Variants in GALNT12 observed in about 807,000 individuals in gnomAD.
The protein encoded by GALNT12 is polypeptide N-acetylgalactosaminyltransferase 12.
Under a neutral mutation model 55.5 loss-of-function variants are expected in GALNT12, and 45 were observed. That is an observed-to-expected ratio of 0.81 (90% CI 0.64 to 1.04). The LOEUF is 1.04. Among genes scored for constraint, GALNT12 ranks in the 50% least tolerant of loss-of-function variants. The pLI, the probability that GALNT12 is intolerant of heterozygous loss-of-function variation, is 0.00. For synonymous variants in GALNT12, 304 were observed against 312.2 expected (o/e 0.97, Z 0.28); for missense variants, 709 against 754.8 (o/e 0.94, Z 0.71).
In GALNT12 at chr9:98,807,864, CCGCGCCCCGGGCGG is replaced by C. The variant is rs1237409974; in HGVS notation, c.171_184del (p.Pro58AlafsTer42). 5.9e-6 allele frequency: 6 copies of C among 1,012,394 alleles called. No individual in the cohort carries two copies. The highest frequency in any genetic ancestry group is 1.7e-5 in the African/African-American group (1 of 57,290). 62.7% of individuals were successfully genotyped at this position (1,012,394 alleles called of 1,614,324 possible). A position where few individuals can be genotyped will look rare whatever the true frequency, so the allele number is the denominator to read the frequency against. The stretch of plus-strand genomic sequence containing the variant: ...TGCCGAGCCGGGACCCCCGCGCACC[CCGCGCCCCGGGCGG>C]CGCGAGCCGGTCATGCCGCGGCCGC... On this transcript the variant is annotated frameshift_variant, in exon 1 of 10. Coordinates refer to ENST00000375011, the MANE Select transcript of GALNT12 (RefSeq NM_024642.5). LOFTEE classifies it high-confidence loss of function.
At chr9:98,835,798 C>T (rs1318646437) in intron 5 of GALNT12, among the ~76,000 whole-genome samples, 2 of 151,878 alleles carry the variant, frequency 1.3e-5, no homozygotes, top group East Asian at 1.9e-4. Context: ...CGCAGTGGCA[C>T]GATCTCAGCT....
chr9:98,821,001 G>C (rs984691184), intron 1 of GALNT12, among the ~76,000 whole-genome samples: 9 of 152,146 alleles, frequency 5.9e-5, no homozygotes, highest in Non-Finnish European at 1.2e-4. Flanking sequence ...CAGTATGCTG[G>C]ATTTTCTTTA....
At chr9:98,840,505 G>T (rs1836263150) in intron 7 of GALNT12, among the ~76,000 whole-genome samples, 1 of 152,102 alleles carries the variant, frequency 6.6e-6, no homozygotes, top group African/African-American at 2.4e-5. Context: ...GCAATAGTGG[G>T]TATAGGGGAG....
chr9:98,849,124 G>A lies in GALNT12; in HGVS notation c.*32G>A, dbSNP rs1836491757. The A allele has an allele frequency of 6.2e-7, 1 of 1,613,048 alleles. No homozygotes were observed. Among genetic ancestry groups the A allele is most frequent in the Non-Finnish European group, 8.5e-7 (1 of 1,179,334 alleles). On this transcript the variant is annotated 3_prime_UTR_variant, in exon 10 of 10. Coordinates refer to ENST00000375011, the MANE Select transcript of GALNT12 (RefSeq NM_024642.5). ...GTGTATCAAGGAGCCCATCGAAGGAGACTGTGGAGCCAGGACTCTGCCCAA... is the reference window on the plus strand; with the variant it reads ...GTGTATCAAGGAGCCCATCGAAGGAAACTGTGGAGCCAGGACTCTGCCCAA...
intron 2 of GALNT12, among the ~76,000 whole-genome samples, chr9:98,824,627 G>A (rs1835819406): frequency 6.6e-6 from 1 of 152,142 alleles, no homozygotes. Context: ...AGCCAGGCTG[G>A]GGTTTGGTGC....
intron 1 of GALNT12, among the ~76,000 whole-genome samples, chr9:98,816,102 G>A (rs904156298): frequency 1.3e-5 from 2 of 152,018 alleles, no homozygotes; most frequent in East Asian, 1.9e-4. Flanking sequence ...CTTCTTGTTC[G>A]ACATTGAAAT....
intron 3 of GALNT12, 55 bp downstream of exon 3, chr9:98,826,996 T>C (rs1835873326): frequency 6.5e-7 from 1 of 1,528,992 alleles, no homozygotes; most frequent in African/African-American, 1.4e-5. Context: ...GTAGGTAGCA[T>C]GAGGAACAGA....
chr9:98,813,041 A>G (rs1021075944), intron 1 of GALNT12, among the ~76,000 whole-genome samples: 1 of 152,228 alleles, frequency 6.6e-6, no homozygotes, highest in Admixed American at 6.5e-5. Context: ...AGATTTATCC[A>G]CAAGTTTACC....
At chr9:98,840,433 A>G (rs1836260836) in intron 7 of GALNT12, among the ~76,000 whole-genome samples, 1 of 152,236 alleles carries the variant, frequency 6.6e-6, no homozygotes, top group South Asian at 2.1e-4. Context: ...ACGCCTTATC[A>G]TATTACTTCT....
chr9:98,839,469 A>G (rs1005394369), intron 6 of GALNT12, among the ~76,000 whole-genome samples: 1 of 152,270 alleles, frequency 6.6e-6, no homozygotes, highest in African/African-American at 2.4e-5. Flanking sequence ...AGTTTTGCCC[A>G]TAAAACCAAA....
chr9:98,817,693 A>G (rs1018468252), intron 1 of GALNT12, among the ~76,000 whole-genome samples: 17 of 151,888 alleles, frequency 1.1e-4, no homozygotes, highest in Non-Finnish European at 5.9e-5. Flanking sequence ...AGAACTCCTG[A>G]CCTTGTGATC....
At chr9:98,833,064 G>GT (rs1221553953) in intron 4 of GALNT12, among the ~76,000 whole-genome samples, 1 of 152,152 alleles carries the variant, frequency 6.6e-6, no homozygotes, top group East Asian at 1.9e-4. Context: ...TCCATGGCAG[G>GT]TGGAGGAGTC....
rs2118257039 is a variant in GALNT12 at position 98,807,907 on chromosome 9, T to G, written c.209T>G (p.Val70Gly). 17 of 1,198,444 alleles carry G rather than the reference T, an allele frequency of 1.4e-5. No homozygotes were observed. The highest frequency in any genetic ancestry group is 1.8e-5 in the Non-Finnish European group (17 of 966,576). The allele number at this position is 1,198,444 out of a possible 1,614,324, so 74.2% of individuals were successfully genotyped here. Reference sequence around the variant, plus strand: ...GAGCCGGTCATGCCGCGGCCGCCGGTGCCGGCGAACGCGCTGGGCGCGCGG... The same window carrying G: ...GAGCCGGTCATGCCGCGGCCGCCGGGGCCGGCGAACGCGCTGGGCGCGCGG... ...RREPVMPRPPVPANALGARGE... is the reference protein window; with the variant it reads ...RREPVMPRPPGPANALGARGE... The change falls in exon 1 of 10, where the codon GTG becomes GGG. Residue 70 changes from valine to glycine, a missense_variant. By Grantham distance (109) the Val-to-Gly change is moderately radical. Coordinates refer to ENST00000375011, the MANE Select transcript of GALNT12 (RefSeq NM_024642.5).
chr9:98,849,101 G>A lies in GALNT12; in HGVS notation c.*9G>A, dbSNP rs764547237. ...AAGAGCGCATGTTATGAAGCCTCGT[G>A]TATCAAGGAGCCCATCGAAGGAGAC... On this transcript the variant is annotated 3_prime_UTR_variant, in exon 10 of 10. Coordinates refer to ENST00000375011, the MANE Select transcript of GALNT12 (RefSeq NM_024642.5). 6.8e-6 allele frequency: 11 copies of A among 1,614,108 alleles called. No homozygotes were observed. Among genetic ancestry groups the A allele is most frequent in the East Asian group, 2.2e-5 (1 of 44,882 alleles).
intron 1 of GALNT12, among the ~76,000 whole-genome samples, chr9:98,821,130 T>A (rs926917539): frequency 6.6e-6 from 1 of 152,112 alleles, no homozygotes; most frequent in Non-Finnish European, 1.5e-5. Flanking sequence ...ATGCCTCAGC[T>A]CCCTGAGTAG....
chr9:98,848,286 T>A (rs963071901), intron 9 of GALNT12, among the ~76,000 whole-genome samples: 14 of 152,232 alleles, frequency 9.2e-5, no homozygotes, highest in African/African-American at 3.1e-4. Context: ...TCAGCCATGA[T>A]TAAGTTCGTT....
At chr9:98,836,488 C>T (rs939534472) in intron 5 of GALNT12, among the ~76,000 whole-genome samples, 1 of 152,138 alleles carries the variant, frequency 6.6e-6, no homozygotes, top group African/African-American at 2.4e-5. Context: ...CAGATGCCTT[C>T]GCCTGTTGAG....
intron 6 of GALNT12, among the ~76,000 whole-genome samples, chr9:98,839,389 TTG>T (rs1328800686): frequency 3.9e-5 from 6 of 152,264 alleles, no homozygotes; most frequent in Admixed American, 2.6e-4. Context: ...AGCATTTTTC[TTG>T]TGGCTGCACA....
chr9:98,815,419 T>G (rs1330951197), intron 1 of GALNT12, among the ~76,000 whole-genome samples: 1 of 152,216 alleles, frequency 6.6e-6, no homozygotes, highest in Non-Finnish European at 1.5e-5. Context: ...GTAGGTTAGG[T>G]GTATTAAATG....
Sources: allele counts gnomAD v4.1 joint callset (sites outside exome capture counted in the v4.1 genomes callset), GRCh38; gene constraint gnomAD v4.1.1; transcripts MANE v1.5; gene names NCBI Gene and HGNC (gene_info 2026-07-23, HGNC 2026-07-21).